The following GIGYF1 variants were observed in gnomAD, a reference collection of about 807,000 sequenced individuals.
GIGYF1 encodes the protein GRB10 interacting GYF protein 1, also known as GRB10-interacting GYF protein 1.
A neutral mutation model predicts 147.1 loss-of-function variants in GIGYF1; 84 were observed. The observed-to-expected ratio is 0.57, with a 90% CI of 0.48 to 0.68. The LOEUF (loss-of-function observed/expected upper bound fraction) is 0.68, where lower values mean the gene tolerates loss of function less well. Ranked by LOEUF, GIGYF1 falls within the 30% of genes least tolerant of loss-of-function variation. GIGYF1 has a pLI of 0.00. For missense variants in GIGYF1, 1,485 were observed against 1,393.7 expected (o/e 1.07, Z -1.04); for synonymous variants, 752 against 589.5 (o/e 1.28, Z -3.99).
chr7:100,686,476 C>T (rs745822530), intron 10 of GIGYF1, 43 bp from the exon 11 acceptor site: 20 of 1,542,186 alleles, frequency 1.3e-5, no homozygotes, highest in Middle Eastern at 3.5e-4. Flanking sequence ...GGTACCCAAG[C>T]GAAGCCAGCG....
chr7:100,687,436 C>T (rs1805474334), intron 7 of GIGYF1, 30 bp from the exon 8 acceptor site: 1 of 1,610,292 alleles, frequency 6.2e-7, no homozygotes, highest in African/African-American at 1.3e-5. Context: ...CACAATGAAA[C>T]CTGCTGCACG....
chr7:100,681,498 TAAAATTA>T lies in GIGYF1; in HGVS notation c.*214_*220del. 1 of 281,246 alleles carries T rather than the reference TAAAATTA, an allele frequency of 3.6e-6. No homozygotes were observed. Among genetic ancestry groups the T allele is most frequent in the East Asian group, 4.1e-5 (1 of 24,236 alleles). The allele number at this position is 281,246 out of a possible 1,614,324, so 17.4% of individuals were successfully genotyped here. A position where few individuals can be genotyped will look rare whatever the true frequency, so the allele number is the denominator to read the frequency against. On this transcript the variant is annotated 3_prime_UTR_variant, in exon 27 of 27. Transcript: ENST00000678049. ...TCTCCTAATGTTTTCTTCAGTCGTT[TAAAATTA>T]AAAAAAAAAATAAAAAGAAAAACCC...
chr7:100,683,981 C>T lies in GIGYF1; in HGVS notation c.1868+39G>A, dbSNP rs771757209. 33 of 1,583,768 alleles carry T rather than the reference C, an allele frequency of 2.1e-5. No individual in the cohort carries two copies. In the South Asian group the frequency reaches 2.7e-4, roughly 13 times the overall value. On this transcript the variant is annotated intron_variant, in intron 18 of 26. Transcript: ENST00000678049. ...CATCTCTGGTCTGCCCCCATCCCCC[C>T]CCCACCCTGTATCCTGAGGGCTCGC...
At chr7:100,688,364 GGGA>G in intron 3 of GIGYF1, 57 bp from the exon 4 acceptor site, 1 of 823,208 alleles carries the variant, frequency 1.2e-6, no homozygotes, top group Non-Finnish European at 2.0e-6. Flanking sequence ...TTAAAGCGCA[GGGA>G]GGACACCATG....
In GIGYF1 at chr7:100,686,687, G is replaced by A. The variant is rs1328967318; in HGVS notation, c.656C>T (p.Pro219Leu). 2 of 1,612,962 alleles carry A rather than the reference G, an allele frequency of 1.2e-6. No homozygotes were observed. Among genetic ancestry groups the A allele is most frequent in the Non-Finnish European group, 1.7e-6 (2 of 1,179,786 alleles). Residue 219 changes from proline (P) to leucine (L), a missense_variant, in exon 10 of 27, where the codon CCC becomes CTC. Coordinates refer to ENST00000678049, the MANE Select transcript of GIGYF1 (RefSeq NM_001375765.1). ...EEGSWRLGAG[P>L]RRDGDRWRSA... ...GCGCCAGCGGTCGCCGTCTCGCCGGGGCCCTGCTCCGAGCCTCCAGCTGCC... is the reference window on the plus strand; with the variant it reads ...GCGCCAGCGGTCGCCGTCTCGCCGGAGCCCTGCTCCGAGCCTCCAGCTGCC...
At position 100,686,743 on chromosome 7, in the gene GIGYF1, G is replaced by A. The variant is rs761245082; in HGVS notation, c.600C>T (p.Ser200=). 6 of 1,613,816 alleles carry A rather than the reference G, an allele frequency of 3.7e-6. No individual in the cohort carries two copies. Among genetic ancestry groups the A allele is most frequent in the Non-Finnish European group, 5.1e-6 (6 of 1,180,000 alleles). ...CCTCCTCCTCCTGTTCCTCCCGTAGGGAGCGCCAGTTCTCGCTGTCTGAGC... is the reference window on the plus strand; with the variant it reads ...CCTCCTCCTCCTGTTCCTCCCGTAGAGAGCGCCAGTTCTCGCTGTCTGAGC... ...HARSDSENWR[S]LREEQEEEEE... is the part of the protein sequence containing the mutation. Residue 200 remains serine, a synonymous_variant, in exon 10 of 27, where the codon TCC becomes TCT. Coordinates refer to ENST00000678049, the MANE Select transcript of GIGYF1 (RefSeq NM_001375765.1).
chr7:100,687,424 C>T lies in GIGYF1; in HGVS notation c.374-18G>A, dbSNP rs377298009. 6.8e-6 allele frequency: 11 copies of T among 1,612,222 alleles called. No homozygotes were observed. The highest frequency in any genetic ancestry group is 4.5e-5 in the East Asian group (2 of 44,880). ...GCCGCGGCCTAGAGAAGAGGCCAGA[C>T]GCACAATGAAACCTGCTGCACGTTC... is the stretch of plus-strand genomic sequence containing the variant. On this transcript the variant is annotated intron_variant, in intron 7 of 26. Coordinates refer to ENST00000678049, the MANE Select transcript of GIGYF1 (RefSeq NM_001375765.1).
chr7:100,684,178 A>G (rs1805090122), intron 17 of GIGYF1, 21 bp from the exon 18 acceptor site: 2 of 1,608,956 alleles, frequency 1.2e-6, no homozygotes, highest in Non-Finnish European at 1.7e-6. Flanking sequence ...GACAGTGGAG[A>G]TGGTGGGCCA....
chr7:100,685,086 T>C lies in GIGYF1; in HGVS notation c.1253A>G (p.Asp418Gly). Reference sequence around the variant, plus strand: ...CTTCAAGCCTTCATCATCCTCCAGATCTCCGGGTGGGCCAGCAGAGGAGCC... The same window carrying C: ...CTTCAAGCCTTCATCATCCTCCAGACCTCCGGGTGGGCCAGCAGAGGAGCC... Reference protein sequence around the residue: ...GVGSSAGPPGDLEDDEGLKHL... With the variant: ...GVGSSAGPPGGLEDDEGLKHL... The change falls in exon 14 of 27, where the codon GAT becomes GGT. Residue 418 changes from aspartate (D) to glycine (G), a missense_variant. Asp to Gly is a moderately conservative substitution (Grantham distance 94). Coordinates refer to ENST00000678049, the MANE Select transcript of GIGYF1 (RefSeq NM_001375765.1). The C allele has an allele frequency of 6.3e-7, 1 of 1,578,486 alleles. No individual in the cohort carries two copies. The highest frequency in any genetic ancestry group is 8.6e-7 in the Non-Finnish European group (1 of 1,161,238).
At position 100,683,058 on chromosome 7, in the gene GIGYF1, G is replaced by A. The variant is rs770770471; in HGVS notation, c.2366C>T (p.Pro789Leu). 1 of 1,576,090 alleles carries A rather than the reference G, an allele frequency of 6.3e-7. No homozygotes were observed. Among genetic ancestry groups the A allele is most frequent in the East Asian group, 2.3e-5 (1 of 43,786 alleles). ...GGCCCGAGCTGGCTCCCGAGGTGGGGGCTGTTTGTGCAGCTGCCGCTCGCC... is the reference window on the plus strand; with the variant it reads ...GGCCCGAGCTGGCTCCCGAGGTGGGAGCTGTTTGTGCAGCTGCCGCTCGCC... The part of the protein sequence containing the change: ...LEGERQLHKQ[P>L]PPREPARAQA... The change falls in exon 22 of 27, where the codon CCC becomes CTC. Residue 789 changes from proline (P) to leucine (L), a missense_variant. Transcript: ENST00000678049.
chr7:100,688,306 A>G lies in GIGYF1; in HGVS notation c.-68T>C. On this transcript the variant is annotated splice_region_variant and 5_prime_UTR_variant, in exon 4 of 27. Transcript: ENST00000678049. The stretch of plus-strand genomic sequence containing the variant: ...GGGACCTGGCGTTCACTGTCCAAAC[A>G]CCTGTGGGGGAACAGGGGCCATGAA... The G allele has an allele frequency of 8.3e-7, 1 of 1,199,894 alleles. No individual in the cohort carries two copies. 74.3% of individuals were successfully genotyped at this position (1,199,894 alleles called of 1,614,324 possible).
rs757573661 is a variant in GIGYF1 at position 100,686,384 on chromosome 7, G to C, written c.744C>G (p.Arg248=). The part of the protein sequence containing the change: ...AGWREHGERR[R]KFEFDLRGDR... The stretch of plus-strand genomic sequence containing the variant: ...CCCCTCGCAAATCAAATTCAAACTT[G>C]CGCCGCCGTTCCCCATGTTCCCGCC... The change falls in exon 11 of 27, where the codon CGC becomes CGG. Residue 248 remains arginine (R), a synonymous_variant. Transcript: ENST00000678049. The C allele has an allele frequency of 6.3e-7, 1 of 1,596,724 alleles. No individual in the cohort carries two copies. Among genetic ancestry groups the C allele is most frequent in the East Asian group, 2.3e-5 (1 of 44,154 alleles).
chr7:100,684,739 T>C lies in GIGYF1; in HGVS notation c.1446A>G (p.Pro482=), dbSNP rs774890714. 2 of 1,612,188 alleles carry C rather than the reference T, an allele frequency of 1.2e-6. No homozygotes were observed. Among genetic ancestry groups the C allele is most frequent in the South Asian group, 1.1e-5 (1 of 90,916 alleles). Residue 482 remains proline (P), a synonymous_variant, in exon 15 of 27, where the codon CCA becomes CCG. Coordinates refer to ENST00000678049, the MANE Select transcript of GIGYF1 (RefSeq NM_001375765.1). ...GAARKWFYKD[P]QGEIQGPFTT... Reference sequence around the variant, plus strand: ...CACAGGTACCTTGGATCTCGCCCTGTGGGTCCTTGTAGAACCACTTCCGGG... The same window carrying C: ...CACAGGTACCTTGGATCTCGCCCTGCGGGTCCTTGTAGAACCACTTCCGGG...
Position 100,688,518 on chromosome 7 carries a change from G to A in GIGYF1, c.-134-3C>T, listed in dbSNP as rs763553351. 2.4e-5 allele frequency: 16 copies of A among 665,870 alleles called. 1 individual carries two copies. The Middle Eastern group carries it at 1.7e-3, about 69-fold the overall frequency. The allele number at this position is 665,870 out of a possible 1,614,324, so 41.2% of individuals were successfully genotyped here. On this transcript the variant is annotated splice_region_variant and splice_polypyrimidine_tract_variant and intron_variant, in intron 2 of 26. Transcript: ENST00000678049. ...GATGAGTCCAGACGGTGAAAGACCT[G>A]GGGGAGGCGAGGAGATGGGAAGCTC...
chr7:100,682,568 A>G (rs1156621750), intron 23 of GIGYF1, 22 bp downstream of exon 23: 2 of 1,591,588 alleles, frequency 1.3e-6, no homozygotes, highest in South Asian at 1.1e-5. Context: ...GCCATCCCGG[A>G]GCCTCCAGGT....
At position 100,684,719 on chromosome 7, in the gene GIGYF1, G is replaced by A; in HGVS notation, c.1462+4C>T. ...TGAGCAGCCCTCCCATCCCACACAG[G>A]TACCTTGGATCTCGCCCTGTGGGTC... On this transcript the variant is annotated splice_donor_region_variant and intron_variant, in intron 15 of 26. Coordinates refer to ENST00000678049, the MANE Select transcript of GIGYF1 (RefSeq NM_001375765.1). 6.2e-7 allele frequency: 1 copy of A among 1,611,570 alleles called. No homozygotes were observed. The highest frequency in any genetic ancestry group is 8.5e-7 in the Non-Finnish European group (1 of 1,178,488).
intron 1 of GIGYF1, among the ~76,000 whole-genome samples, chr7:100,690,779 C>G (rs1343516238): frequency 4.8e-5 from 4 of 82,478 alleles, no homozygotes; most frequent in African/African-American, 2.5e-4. Context: ...AAGACTCTGT[C>G]TCAAAAAAAA....
chr7:100,687,939 G>A (rs996597193), intron 5 of GIGYF1, 42 bp downstream of exon 5: 1 of 1,610,672 alleles, frequency 6.2e-7, no homozygotes, highest in East Asian at 2.2e-5. Context: ...CCCTCCACAG[G>A]CAGAGGCCAC....
rs954616169 is a variant in GIGYF1 at position 100,681,297 on chromosome 7, AGT to A, written c.*420_*421del. The A allele has an allele frequency of 1.3e-4, 19 of 150,200 alleles. No homozygotes were observed. The highest frequency in any genetic ancestry group is 6.8e-4 in the Admixed American group (10 of 14,802). The allele number at this position is 150,200 out of a possible 1,614,324, so 9.3% of individuals were successfully genotyped here. ...TGTGTCCCCACTGCCCCAAAATAACAGTGTGTTTTTTCTTTCAGCCTCCTAAC... is the reference window on the plus strand; with the variant it reads ...TGTGTCCCCACTGCCCCAAAATAACAGTGTTTTTTCTTTCAGCCTCCTAAC... On this transcript the variant is annotated 3_prime_UTR_variant, in exon 27 of 27. Transcript: ENST00000678049.
Sources: allele counts gnomAD v4.1 joint callset (sites outside exome capture counted in the v4.1 genomes callset), GRCh38; gene constraint gnomAD v4.1.1; transcripts MANE v1.5; gene names NCBI Gene and HGNC (gene_info 2026-07-23, HGNC 2026-07-21).